DFFA: variants seen among roughly 807,000 people sequenced by gnomAD.
The protein encoded by DFFA is DNA fragmentation factor subunit alpha.
DFFA carries 14 observed loss-of-function variants against 28.0 expected under a neutral mutation model. The ratio of observed to expected loss-of-function variants is 0.50; its 90% confidence interval spans 0.33 to 0.78. The LOEUF (loss-of-function observed/expected upper bound fraction) is 0.78, where lower values mean the gene tolerates loss of function less well. Among genes scored for constraint, DFFA ranks in the 30% least tolerant of loss-of-function variants. The pLI, the probability that DFFA is intolerant of heterozygous loss-of-function variation, is 0.02. For synonymous variants in DFFA, 158 were observed against 170.3 expected (o/e 0.93, Z 0.56); for missense variants, 395 against 407.1 (o/e 0.97, Z 0.26).
chr1:10,462,222 TC>T (rs1198729215), intron 5 of DFFA, among the ~76,000 whole-genome samples: 1 of 152,158 alleles, frequency 6.6e-6, no homozygotes, highest in Non-Finnish European at 1.5e-5. Flanking sequence ...AGTGGCGCGA[TC>T]TTAGCTCACG....
chr1:10,462,070 G>T (rs978107030), intron 5 of DFFA, among the ~76,000 whole-genome samples: 2 of 152,332 alleles, frequency 1.3e-5, no homozygotes, highest in East Asian at 3.9e-4. Flanking sequence ...GTGTTCGCCA[G>T]GATGGTCTCG....
In DFFA at chr1:10,468,034, A is replaced by G. The variant is rs531364540; in HGVS notation, c.299-702T>C. On this transcript the variant is annotated intron_variant, in intron 2 of 5. Coordinates refer to ENST00000377038, the MANE Select transcript of DFFA (RefSeq NM_004401.3). Reference sequence around the variant, plus strand: ...TTCTTTAACTGGCAGAGCTGTAGCCATCGATTGCTGTCCCTTAGGCCTGAG... The same window carrying G: ...TTCTTTAACTGGCAGAGCTGTAGCCGTCGATTGCTGTCCCTTAGGCCTGAG... 2.6e-5 allele frequency among the ~76,000 whole-genome samples: 4 copies of G among 152,142 alleles called. No homozygotes were observed. In the South Asian group the frequency reaches 8.3e-4, roughly 32 times the overall value.
rs1640942768 is a variant in DFFA at position 10,461,700 on chromosome 1, C to T, written c.786G>A (p.Leu262=). The T allele has an allele frequency of 6.2e-7, 1 of 1,614,062 alleles. No homozygotes were observed. Among genetic ancestry groups the T allele is most frequent in the South Asian group, 1.1e-5 (1 of 91,074 alleles). The change falls in exon 6 of 6, where the codon TTG becomes TTA. Residue 262 remains leucine (L), a splice_region_variant and synonymous_variant. Transcript: ENST00000377038. ...GTGCTTTGGGGTCTTCCTTGGTAAC[C>T]AACTGCAGCAAGAATAAAAACCCCT... ...ELSLSSQDLE[L]VTKEDPKALA... is the part of the protein sequence containing the mutation.
rs944163755 is a variant in DFFA, at chr1:10,467,442, A to T, written c.299-110T>A. The T allele has an allele frequency of 5.0e-6, 6 of 1,197,206 alleles. No individual in the cohort carries two copies. In the African/African-American group the frequency reaches 9.0e-5, roughly 18 times the overall value. The allele number at this position is 1,197,206 out of a possible 1,614,324, so 74.2% of individuals were successfully genotyped here. Reference sequence around the variant, plus strand: ...GGATCTAGATTAATTTCAATGGGAAAGAAGCATCTTATCTCAAGGATTCAC... The same window carrying T: ...GGATCTAGATTAATTTCAATGGGAATGAAGCATCTTATCTCAAGGATTCAC... On this transcript the variant is annotated intron_variant, in intron 2 of 5. Coordinates refer to ENST00000377038, the MANE Select transcript of DFFA (RefSeq NM_004401.3).
intron 5 of DFFA, chr1:10,462,619 C>T: frequency 9.9e-7 from 1 of 1,012,974 alleles, no homozygotes; most frequent in Non-Finnish European, 1.2e-6. Flanking sequence ...GTAGCACCCA[C>T]CCAGGCAGGT....
chr1:10,466,455 C>T (rs975579301), intron 3 of DFFA, among the ~76,000 whole-genome samples: 9 of 151,774 alleles, frequency 5.9e-5, no homozygotes, highest in African/African-American at 2.2e-4. Context: ...TCCCAAAGTG[C>T]TGAGATTACA....
chr1:10,469,149 C>T (rs747075066), intron 2 of DFFA, 28 bp downstream of exon 2: 23 of 1,611,208 alleles, frequency 1.4e-5, no homozygotes, highest in South Asian at 1.3e-4. Flanking sequence ...CTGCATAGGC[C>T]GTTTTATACA....
At chr1:10,466,844 C>T (rs115279820) in intron 3 of DFFA, among the ~76,000 whole-genome samples, 4,854 of 150,380 alleles carry the variant, frequency 0.032, 269 homozygotes, top group African/African-American at 0.11. Context: ...TTCCAGCTAC[C>T]TGGGACGCTG....
In DFFA at chr1:10,461,536, G is replaced by T. The variant is rs1174847483; in HGVS notation, c.950C>A (p.Pro317His). ...RSISASKASPPGDLQNPKRAR... is the reference protein window; with the variant it reads ...RSISASKASPHGDLQNPKRAR... ...TCGCTTAGGATTCTGCAGGTCACCA[G>T]GTGGTGAGGCCTTGCTTGCTGAGAT... The change falls in exon 6 of 6, where the codon CCT becomes CAT. Residue 317 changes from proline (P) to histidine (H), a missense_variant. Pro to His is a moderately conservative substitution (Grantham distance 77, BLOSUM62 -2). Coordinates refer to ENST00000377038, the MANE Select transcript of DFFA (RefSeq NM_004401.3). 3.7e-6 allele frequency: 6 copies of T among 1,613,972 alleles called. No homozygotes were observed. Among genetic ancestry groups the T allele is most frequent in the African/African-American group, 2.7e-5 (2 of 74,938 alleles).
intron 1 of DFFA, among the ~76,000 whole-genome samples, chr1:10,470,422 CTTTTTTTTT>C (rs59658414): frequency 1.9e-5 from 2 of 107,302 alleles, no homozygotes; most frequent in African/African-American, 7.1e-5. Flanking sequence ...CAGTTTTCCT[CTTTTTTTTT>C]TTTTTTTTTT....
intron 5 of DFFA, chr1:10,462,717 T>C: frequency 9.0e-7 from 1 of 1,116,410 alleles, no homozygotes; most frequent in Admixed American, 4.0e-5. Flanking sequence ...TTGACAGACC[T>C]CAGGACGGAC....
In DFFA at chr1:10,461,153, G is replaced by GC. The variant is rs977443811; in HGVS notation, c.*336dup. 11 of 203,726 alleles carry GC rather than the reference G, an allele frequency of 5.4e-5. No individual in the cohort carries two copies. Among genetic ancestry groups the GC allele is most frequent in the Non-Finnish European group, 8.1e-5 (8 of 98,742 alleles). 12.6% of individuals were successfully genotyped at this position (203,726 alleles called of 1,614,324 possible). On this transcript the variant is annotated 3_prime_UTR_variant, in exon 6 of 6. Coordinates refer to ENST00000377038, the MANE Select transcript of DFFA (RefSeq NM_004401.3). The stretch of plus-strand genomic sequence containing the variant: ...TCTCGATCTCCTGACTTCACGATCC[G>GC]CCCCCCTCGGCCTCCCAGTGCTGGG...
intron 5 of DFFA, among the ~76,000 whole-genome samples, chr1:10,462,203 C>G (rs1254214539): frequency 6.6e-6 from 1 of 152,218 alleles, no homozygotes; most frequent in East Asian, 1.9e-4. Flanking sequence ...GTCGCCCAGG[C>G]TGGAGTGCAG....
At position 10,461,578 on chromosome 1, in the gene DFFA, A is replaced by G. The variant is rs1283990731; in HGVS notation, c.908T>C (p.Leu303Ser). 1 of 1,614,206 alleles carries G rather than the reference A, an allele frequency of 6.2e-7. No individual in the cohort carries two copies. The highest frequency in any genetic ancestry group is 1.7e-5 in the Admixed American group (1 of 60,022). ...TGCTGAGATGCTCCGGAGAGAATGCAAGCTCTGCGTCTGCTGCAGGCGCAG... is the reference window on the plus strand; with the variant it reads ...TGCTGAGATGCTCCGGAGAGAATGCGAGCTCTGCGTCTGCTGCAGGCGCAG... ...LALRLQQTQSLHSLRSISASK... is the reference protein window; with the variant it reads ...LALRLQQTQSSHSLRSISASK... The change falls in exon 6 of 6, where the codon TTG (leucine) becomes TCG (serine). Residue 303 changes from leucine to serine, a missense_variant. Coordinates refer to ENST00000377038, the MANE Select transcript of DFFA (RefSeq NM_004401.3).
chr1:10,461,273 G>T lies in DFFA; in HGVS notation c.*217C>A, dbSNP rs1640930560. 3 of 600,736 alleles carry T rather than the reference G, an allele frequency of 5.0e-6. No homozygotes were observed. Among genetic ancestry groups the T allele is most frequent in the Non-Finnish European group, 8.5e-6 (3 of 351,798 alleles). 37.2% of individuals were successfully genotyped at this position (600,736 alleles called of 1,614,324 possible). On this transcript the variant is annotated 3_prime_UTR_variant, in exon 6 of 6. Coordinates refer to ENST00000377038, the MANE Select transcript of DFFA (RefSeq NM_004401.3). The stretch of plus-strand genomic sequence containing the variant: ...AATTAGAGGAGGCGGGATATTGTTG[G>T]TGCAGCTATATCATTCAAAATTGGC...
chr1:10,471,110 T>C (rs1488267551), intron 1 of DFFA, among the ~76,000 whole-genome samples: 1 of 151,670 alleles, frequency 6.6e-6, no homozygotes, highest in Non-Finnish European at 1.5e-5. Context: ...TTACAGTATC[T>C]TCCTTAGCAG....
rs1228554568 is a variant in DFFA, at chr1:10,459,917, A to G, written c.*1573T>C. 6.6e-6 allele frequency: 1 copy of G among 151,666 alleles called. No individual in the cohort carries two copies. Among genetic ancestry groups the G allele is most frequent in the Non-Finnish European group, 1.5e-5 (1 of 67,974 alleles). The allele number at this position is 151,666 out of a possible 1,614,324, so 9.4% of individuals were successfully genotyped here. ...TTTTTTGTAGAGACAGGGTCTTGCTATGTTGCCTAAGCTGACAATTACTTT... is the reference window on the plus strand; with the variant it reads ...TTTTTTGTAGAGACAGGGTCTTGCTGTGTTGCCTAAGCTGACAATTACTTT... On this transcript the variant is annotated 3_prime_UTR_variant, in exon 6 of 6. Transcript: ENST00000377038.
chr1:10,461,585 G>GC lies in DFFA; in HGVS notation c.900dup (p.Gln301AlafsTer19). On this transcript the variant is annotated frameshift_variant, in exon 6 of 6. Transcript: ENST00000377038. LOFTEE classifies it low-confidence loss of function (END_TRUNC). ...ATGCTCCGGAGAGAATGCAAGCTCT[G>GC]CGTCTGCTGCAGGCGCAGGGCGAGC... 2.5e-6 allele frequency: 4 copies of GC among 1,614,240 alleles called. No individual in the cohort carries two copies. Among genetic ancestry groups the GC allele is most frequent in the Non-Finnish European group, 3.4e-6 (4 of 1,180,034 alleles).
chr1:10,463,324 C>A lies in DFFA; in HGVS notation c.631+107G>T, dbSNP rs371326793. The A allele has an allele frequency of 2.9e-4, 447 of 1,541,338 alleles. No homozygotes were observed. In the African/African-American group the frequency reaches 4.9e-3, roughly 17 times the overall value. ...GAAACGTGCCCGTCCCGCATCCCAG[C>A]AGCCGCGGCTTCAGTGGCCCTGGCT... On this transcript the variant is annotated intron_variant, in intron 4 of 5. Coordinates refer to ENST00000377038, the MANE Select transcript of DFFA (RefSeq NM_004401.3).
Sources: allele counts gnomAD v4.1 joint callset (sites outside exome capture counted in the v4.1 genomes callset), GRCh38; gene constraint gnomAD v4.1.1; transcripts MANE v1.5; gene names NCBI Gene and HGNC (gene_info 2026-07-23, HGNC 2026-07-21).